Variants in OXCT1 observed in about 807,000 individuals in gnomAD.
The protein encoded by OXCT1 is 3-oxoacid CoA-transferase 1.
A neutral mutation model predicts 69.6 loss-of-function variants in OXCT1; 27 were observed. The observed-to-expected ratio is 0.39, with a 90% CI of 0.29 to 0.54. The LOEUF is 0.54. Among genes scored for constraint, OXCT1 ranks in the 20% least tolerant of loss-of-function variants. OXCT1 has a pLI of 0.72. For missense variants in OXCT1, 437 were observed against 650.2 expected (o/e 0.67, Z 3.57); for synonymous variants, 202 against 217.8 (o/e 0.93, Z 0.64).
chr5:41,835,463 T>A, intron 7 of OXCT1, among the ~76,000 whole-genome samples: 1 of 152,210 alleles, frequency 6.6e-6, no homozygotes, highest in East Asian at 1.9e-4. Flanking sequence ...TAATTTTCTA[T>A]ATGTCCATTA....
chr5:41,780,137 T>C (rs6866549), intron 13 of OXCT1, among the ~76,000 whole-genome samples: 27,845 of 152,062 alleles, frequency 0.18, 2,756 homozygotes, highest in Middle Eastern at 0.29. Flanking sequence ...ATGACATGTT[T>C]TGGGTGAATG....
chr5:41,852,645 T>G (rs748314061), intron 4 of OXCT1, among the ~76,000 whole-genome samples: 1 of 152,194 alleles, frequency 6.6e-6, no homozygotes, highest in African/African-American at 2.4e-5. Flanking sequence ...GCTTGCTTTG[T>G]AGTAACATCA....
At chr5:41,733,460 T>C (rs576218755) in intron 16 of OXCT1, among the ~76,000 whole-genome samples, 2 of 152,262 alleles carry the variant, frequency 1.3e-5, no homozygotes, top group East Asian at 3.9e-4. Context: ...TTGGTAAGGC[T>C]GGTCTTGAAC....
At chr5:41,845,592 G>T (rs1417149939) in intron 5 of OXCT1, among the ~76,000 whole-genome samples, 1 of 151,746 alleles carries the variant, frequency 6.6e-6, no homozygotes, top group Non-Finnish European at 1.5e-5. Context: ...TAAGAATTAA[G>T]AAATAAATTA....
intron 7 of OXCT1, among the ~76,000 whole-genome samples, chr5:41,833,339 A>G (rs907851427): frequency 2.0e-5 from 3 of 152,180 alleles, no homozygotes; most frequent in African/African-American, 4.8e-5. Context: ...ACAAGCCAGG[A>G]AAGAGTAGCA....
intron 16 of OXCT1, among the ~76,000 whole-genome samples, chr5:41,736,090 T>C (rs922654960): frequency 2.0e-4 from 30 of 152,200 alleles, no homozygotes; most frequent in Admixed American, 1.3e-4. Flanking sequence ...CCTGTTCAGC[T>C]CCTTTCTCTC....
In OXCT1 at chr5:41,861,308, A is replaced by T; in HGVS notation, c.278+6T>A. On this transcript the variant is annotated splice_donor_region_variant and intron_variant, in intron 3 of 16. Transcript: ENST00000196371. ...CCAGCCAATTGTTTTTAAAATGCAC[A>T]CTTACCCTGCATTGTTGCTGACTGC... 1.3e-6 allele frequency: 2 copies of T among 1,555,242 alleles called. No homozygotes were observed. Among genetic ancestry groups the T allele is most frequent in the Non-Finnish European group, 1.8e-6 (2 of 1,126,590 alleles).
rs1260165838 is a variant in OXCT1, at chr5:41,739,022, A to T, written c.1521+368T>A. Among the ~76,000 whole-genome samples the T allele has an allele frequency of 2.6e-5, 4 of 152,236 alleles. No individual in the cohort carries two copies. The South Asian group carries it at 8.3e-4, about 32-fold the overall frequency. ...AAAAATAAGGAAGTATCATTTCTCC[A>T]TATGTGGCTAACATTTTTCAGTTAA... On this transcript the variant is annotated intron_variant, in intron 16 of 16. Coordinates refer to ENST00000196371, the MANE Select transcript of OXCT1 (RefSeq NM_000436.4).
At chr5:41,795,254 T>C (rs752902730) in intron 11 of OXCT1, among the ~76,000 whole-genome samples, 13 of 152,188 alleles carry the variant, frequency 8.5e-5, no homozygotes, top group Non-Finnish European at 1.8e-4. Flanking sequence ...TAGATGGTAA[T>C]GCTCGTTTGC....
chr5:41,799,908 T>C (rs1188775792), intron 11 of OXCT1, among the ~76,000 whole-genome samples: 1 of 152,206 alleles, frequency 6.6e-6, no homozygotes, highest in African/African-American at 2.4e-5. Flanking sequence ...ACCTGTCTTC[T>C]GAAATTTACA....
chr5:41,803,983 G>C (rs944401049), intron 9 of OXCT1, among the ~76,000 whole-genome samples: 1 of 152,016 alleles, frequency 6.6e-6, no homozygotes, highest in African/African-American at 2.4e-5. Flanking sequence ...ACCAGAACTA[G>C]TACAAAGAAT....
intron 11 of OXCT1, among the ~76,000 whole-genome samples, chr5:41,797,338 G>C (rs903043315): frequency 9.2e-5 from 14 of 152,128 alleles, no homozygotes; most frequent in African/African-American, 3.4e-4. Flanking sequence ...CAAGGCCTCT[G>C]CTAATACATT....
In OXCT1 at chr5:41,853,514, G is replaced by C; in HGVS notation, c.319C>G (p.Gln107Glu). 1 of 1,613,830 alleles carries C rather than the reference G, an allele frequency of 6.2e-7. No homozygotes were observed. Among genetic ancestry groups the C allele is most frequent in the Non-Finnish European group, 8.5e-7 (1 of 1,179,820 alleles). ...TATGAAGAGACCATGCGTTTTATCT[G>C]CTTGGACCGAAGCAAAAGCCCCAAA... ...FGLGLLLRSKQIKRMVSSYVG... is the reference protein window; with the variant it reads ...FGLGLLLRSKEIKRMVSSYVG... The change falls in exon 4 of 17, where the codon CAG (glutamine) becomes GAG (glutamate). Residue 107 changes from glutamine (Q) to glutamate (E), a missense_variant. Transcript: ENST00000196371.
chr5:41,866,624 G>A (rs560029937), intron 1 of OXCT1, among the ~76,000 whole-genome samples: 9 of 152,320 alleles, frequency 5.9e-5, no homozygotes, highest in East Asian at 1.9e-4. Flanking sequence ...GAAGAGGACC[G>A]GTGTCTACCA....
intron 7 of OXCT1, among the ~76,000 whole-genome samples, chr5:41,830,424 C>G (rs375142594): frequency 3.2e-4 from 49 of 152,294 alleles, no homozygotes; most frequent in African/African-American, 1.2e-3. Context: ...AGATTAGGAA[C>G]AGTTTTTTGC....
chr5:41,869,961 A>T (rs1053781688), intron 1 of OXCT1: 25 of 415,226 alleles, frequency 6.0e-5, no homozygotes, highest in Admixed American at 1.1e-4. Context: ...GGCGGGTGCC[A>T]GGAGGGAAGC....
chr5:41,769,729 A>G (rs1053675863), intron 13 of OXCT1, among the ~76,000 whole-genome samples: 5 of 152,026 alleles, frequency 3.3e-5, no homozygotes, highest in Non-Finnish European at 7.4e-5. Context: ...TCAAGTAAAA[A>G]AAAAATCACC....
intron 6 of OXCT1, among the ~76,000 whole-genome samples, chr5:41,841,374 A>G (rs1423872188): frequency 6.6e-6 from 1 of 152,200 alleles, no homozygotes; most frequent in East Asian, 1.9e-4. Context: ...TTGCTGGGTT[A>G]GATCCCACCA....
At position 41,730,651 on chromosome 5, in the gene OXCT1, GT is replaced by G. The variant is rs768996194; in HGVS notation, c.*1077del. The G allele has an allele frequency of 1.3e-5, 2 of 152,126 alleles. No individual in the cohort carries two copies. Among genetic ancestry groups the G allele is most frequent in the African/African-American group, 2.4e-5 (1 of 41,418 alleles). The allele number at this position is 152,126 out of a possible 1,614,324, so 9.4% of individuals were successfully genotyped here. ...ATTGAGAATAAATACCTCTAAGGAA[GT>G]TTTTTTCAAACCTAATCTACCCACC... On this transcript the variant is annotated 3_prime_UTR_variant, in exon 17 of 17. Transcript: ENST00000196371.
Sources: allele counts gnomAD v4.1 joint callset (sites outside exome capture counted in the v4.1 genomes callset), GRCh38; gene constraint gnomAD v4.1.1; transcripts MANE v1.5; gene names NCBI Gene and HGNC (gene_info 2026-07-23, HGNC 2026-07-21).